The following ERCC8 variants were observed in gnomAD, a reference collection of about 807,000 sequenced individuals.
ERCC8 encodes the protein ERCC excision repair 8, CSA ubiquitin ligase complex subunit.
ERCC8 carries 52 observed loss-of-function variants against 54.9 expected under a neutral mutation model. The observed-to-expected ratio is 0.95, with a 90% confidence interval of 0.76 to 1.19. The LOEUF is 1.19. Among genes scored for constraint, ERCC8 ranks in the 50% most tolerant of loss-of-function variants. The probability of loss-of-function intolerance (pLI) is 0.00; values close to 1 mark genes in which losing one functional copy is unlikely to be tolerated. For missense variants in ERCC8, 514 were observed against 466.1 expected (o/e 1.10, Z -0.95); for synonymous variants, 146 against 157.2 (o/e 0.93, Z 0.53).
chr5:60,937,671 G>A lies in ERCC8; in HGVS notation c.77+7261C>T, dbSNP rs556991265. On this transcript the variant is annotated intron_variant, in intron 1 of 11. Coordinates refer to ENST00000676185, the MANE Select transcript of ERCC8 (RefSeq NM_000082.4). ...CACTGCGCCCCTACAACAGCTCTGA[G>A]TTTATTTCCAGCAGGGCTGAGGACT... 2.0e-5 allele frequency among the ~76,000 whole-genome samples: 3 copies of A among 152,288 alleles called. No homozygotes were observed. In the South Asian group the frequency reaches 6.2e-4, roughly 32 times the overall value.
At chr5:60,894,935 C>A (rs1443549726) in intron 9 of ERCC8, among the ~76,000 whole-genome samples, 1 of 152,010 alleles carries the variant, frequency 6.6e-6, no homozygotes, top group Non-Finnish European at 1.5e-5. Context: ...GTTTGGGAGG[C>A]CGAGGCAGGC....
chr5:60,908,241 G>T (rs756351144), intron 4 of ERCC8, among the ~76,000 whole-genome samples: 5 of 151,054 alleles, frequency 3.3e-5, no homozygotes, highest in Non-Finnish European at 5.9e-5. Flanking sequence ...TGGTTTGGAA[G>T]GTTTGCATTA....
Position 60,874,644 on chromosome 5 carries a change from C to T in ERCC8, c.1162G>A (p.Ala388Thr). 6.2e-7 allele frequency: 1 copy of T among 1,611,882 alleles called. No individual in the cohort carries two copies. Among genetic ancestry groups the T allele is most frequent in the African/African-American group, 1.3e-5 (1 of 74,562 alleles). ...CCTTCTTCATCACTGCTGCTCCAGG[C>T]ATCTTCAAAGGCCGGATTTAATTGT... ...KSQLNPAFEDAWSSSDEEG is the reference protein window; with the variant it reads ...KSQLNPAFEDTWSSSDEEG Residue 388 changes from alanine (A) to threonine (T), a missense_variant, in exon 12 of 12, where the codon GCC becomes ACC. Transcript: ENST00000676185.
intron 4 of ERCC8, among the ~76,000 whole-genome samples, chr5:60,912,330 A>G (rs1580014615): frequency 6.6e-6 from 1 of 152,162 alleles, no homozygotes; most frequent in Middle Eastern, 3.4e-3. Flanking sequence ...TTGGACTTCT[A>G]GGTATTTCAT....
rs1193477496 is a variant in ERCC8 at position 60,871,794 on chromosome 5, C to T, written c.*2821G>A. On this transcript the variant is annotated 3_prime_UTR_variant, in exon 12 of 12. Transcript: ENST00000676185. ...AAAAATAAATTTCCAATTTTAATAG[C>T]TTTTCTTTTCTTTTTCTTTTGGGAG... Among the ~76,000 whole-genome samples the T allele has an allele frequency of 6.6e-6, 1 of 151,972 alleles. No homozygotes were observed. Among genetic ancestry groups the T allele is most frequent in the African/African-American group, 2.4e-5 (1 of 41,368 alleles).
At chr5:60,922,206 C>T in intron 2 of ERCC8, 51 bp from the exon 3 acceptor site, 2 of 1,235,774 alleles carry the variant, frequency 1.6e-6, no homozygotes, top group Non-Finnish European at 1.2e-6. Context: ...ATTATTTAGT[C>T]CATTTATTTA....
chr5:60,917,033 A>G (rs1749456436), intron 4 of ERCC8, among the ~76,000 whole-genome samples: 2 of 152,086 alleles, frequency 1.3e-5, no homozygotes, highest in African/African-American at 4.8e-5. Flanking sequence ...ATAATGGTTA[A>G]TATTTACTCC....
chr5:60,914,765 G>C (rs1580017912), intron 4 of ERCC8, among the ~76,000 whole-genome samples: 1 of 142,112 alleles, frequency 7.0e-6, no homozygotes, highest in East Asian at 2.1e-4. Context: ...CTAGCTTGGG[G>C]AACAGGGCAA....
chr5:60,929,418 A>T (rs181444861), intron 1 of ERCC8, among the ~76,000 whole-genome samples: 7 of 152,258 alleles, frequency 4.6e-5, no homozygotes, highest in Non-Finnish European at 5.9e-5. Context: ...CAACATAGCG[A>T]GACCCCATCT....
rs1322202370 is a variant in ERCC8, at chr5:60,873,232, T to C, written c.*1383A>G. On this transcript the variant is annotated 3_prime_UTR_variant, in exon 12 of 12. Transcript: ENST00000676185. ...AGCTAGATTTAGTCATTCTATAATG[T>C]ATATATGCTTCAAAACAGTATGTTG... Among the ~76,000 whole-genome samples, 1 of 152,192 alleles carries C rather than the reference T, an allele frequency of 6.6e-6. No individual in the cohort carries two copies. The highest frequency in any genetic ancestry group is 2.4e-5 in the African/African-American group (1 of 41,450).
At chr5:60,916,676 A>C (rs918651456) in intron 4 of ERCC8, among the ~76,000 whole-genome samples, 2 of 152,080 alleles carry the variant, frequency 1.3e-5, no homozygotes, top group African/African-American at 4.8e-5. Flanking sequence ...TAATGTAGCA[A>C]GGTCAAAAAA....
intron 7 of ERCC8, among the ~76,000 whole-genome samples, chr5:60,902,160 T>C (rs1238409117): frequency 6.6e-6 from 1 of 152,072 alleles, no homozygotes; most frequent in Non-Finnish European, 1.5e-5. Context: ...AAATGCTCTA[T>C]TTAAAAATTA....
rs533838827 is a variant in ERCC8, at chr5:60,925,620, T to C, written c.173+3244A>G. Among the ~76,000 whole-genome samples the C allele has an allele frequency of 2.0e-5, 3 of 152,334 alleles. No homozygotes were observed. The South Asian group carries it at 6.2e-4, about 32-fold the overall frequency. On this transcript the variant is annotated intron_variant, in intron 2 of 11. Transcript: ENST00000676185. The stretch of plus-strand genomic sequence containing the variant: ...CCTTATCGCTTTTTACTGCCTCCTC[T>C]AGCAAAAATGCTGGTAGTGCACAGA...
chr5:60,932,168 T>C (rs1749926881), intron 1 of ERCC8: 1 of 152,246 alleles, frequency 6.6e-6, no homozygotes, highest in African/African-American at 2.4e-5. Context: ...GAGTTTAAGA[T>C]GAAGGGAAAA....
chr5:60,905,816 C>T (rs1295391132), intron 4 of ERCC8, among the ~76,000 whole-genome samples: 1 of 152,180 alleles, frequency 6.6e-6, no homozygotes, highest in Non-Finnish European at 1.5e-5. Context: ...TTACTCTAAT[C>T]AACCTCCTTG....
chr5:60,915,991 G>A (rs1024116573), intron 4 of ERCC8, among the ~76,000 whole-genome samples: 12 of 151,918 alleles, frequency 7.9e-5, no homozygotes, highest in African/African-American at 2.9e-4. Context: ...GAGCCTGGGT[G>A]TTTTCCTAGG....
At chr5:60,936,291 T>C (rs1363080119) in intron 1 of ERCC8, among the ~76,000 whole-genome samples, 2 of 152,198 alleles carry the variant, frequency 1.3e-5, no homozygotes, top group Admixed American at 1.3e-4. Context: ...CTAAGTTTTC[T>C]AGTTTATGTG....
chr5:60,924,249 C>T (rs1299575159), intron 2 of ERCC8: 3 of 152,544 alleles, frequency 2.0e-5, no homozygotes, highest in Non-Finnish European at 2.9e-5. Flanking sequence ...TCAATTTATA[C>T]ATTTATATAA....
chr5:60,893,701 C>T (rs934790338), intron 9 of ERCC8: 7 of 437,524 alleles, frequency 1.6e-5, no homozygotes, highest in Admixed American at 3.8e-5. Context: ...TTCTGGCTTC[C>T]GGATGCCAGC....
Sources: allele counts gnomAD v4.1 joint callset (sites outside exome capture counted in the v4.1 genomes callset), GRCh38; gene constraint gnomAD v4.1.1; transcripts MANE v1.5; gene names NCBI Gene and HGNC (gene_info 2026-07-23, HGNC 2026-07-21).